FAM163A: variants seen among roughly 807,000 people sequenced by gnomAD.
FAM163A encodes the protein family with sequence similarity 163 member A, also known as protein FAM163A.
In FAM163A, 7 loss-of-function variants were observed where a neutral mutation model predicts 12.0. The ratio of observed to expected loss-of-function variants is 0.58; its 90% CI spans 0.33 to 1.10. The LOEUF (loss-of-function observed/expected upper bound fraction) is 1.10. FAM163A is among the 50% of genes least tolerant of loss of function. The pLI, the probability that FAM163A is intolerant of heterozygous loss-of-function variation, is 0.03. For synonymous variants in FAM163A, 101 were observed against 91.0 expected (o/e 1.11, Z -0.62); for missense variants, 202 against 218.6 (o/e 0.92, Z 0.48).
At chr1:179,744,126 G>A (rs1684075093) in intron 1 of FAM163A, among the ~76,000 whole-genome samples, 1 of 152,192 alleles carries the variant, frequency 6.6e-6, no homozygotes, top group Non-Finnish European at 1.5e-5. Context: ...CAGGCGGCAG[G>A]GCCTGTGGGA....
At chr1:179,809,392 G>A (rs932195654) in intron 2 of FAM163A, among the ~76,000 whole-genome samples, 15 of 152,204 alleles carry the variant, frequency 9.9e-5, no homozygotes, top group African/African-American at 3.4e-4. Context: ...CTACTGGCAA[G>A]GGAGACGTGA....
chr1:179,802,215 T>TAA (rs1273175433), intron 1 of FAM163A, among the ~76,000 whole-genome samples: 1 of 152,264 alleles, frequency 6.6e-6, no homozygotes, highest in African/African-American at 2.4e-5. Context: ...TAGGCAGCCA[T>TAA]AATGTGTATT....
chr1:179,738,691 C>T (rs1466833756), upstream of FAM163A, among the ~76,000 whole-genome samples: 1 of 152,072 alleles, frequency 6.6e-6, no homozygotes, highest in Non-Finnish European at 1.5e-5. Context: ...CAGAAAAATA[C>T]AAATAGAAGG....
At chr1:179,800,530 C>A (rs934006142) in intron 1 of FAM163A, among the ~76,000 whole-genome samples, 8 of 152,236 alleles carry the variant, frequency 5.3e-5, no homozygotes, top group Non-Finnish European at 7.3e-5. Flanking sequence ...GGTGGTCTGA[C>A]AGAGACTGCA....
intron 1 of FAM163A, among the ~76,000 whole-genome samples, chr1:179,787,317 C>T (rs533474124): frequency 6.6e-6 from 1 of 152,234 alleles, no homozygotes; most frequent in African/African-American, 2.4e-5. Context: ...ATCTAAAATG[C>T]ACATCAATGA....
chr1:179,790,525 G>T (rs1691309281), intron 1 of FAM163A, among the ~76,000 whole-genome samples: 1 of 152,124 alleles, frequency 6.6e-6, no homozygotes, highest in South Asian at 2.1e-4. Context: ...GATACAGGCT[G>T]GATAAACGAC....
intron 1 of FAM163A, among the ~76,000 whole-genome samples, chr1:179,781,881 C>T (rs555823659): frequency 6.7e-6 from 1 of 150,036 alleles, no homozygotes; most frequent in South Asian, 2.1e-4. Flanking sequence ...TCACAGTGAG[C>T]CAAGATCGTG....
At position 179,750,181 on chromosome 1, in the gene FAM163A, T is replaced by C. The variant is rs187679258; in HGVS notation, c.-136+6758T>C. Reference sequence around the variant, plus strand: ...CTGGGGCTGAAAAGTGAGGATTGCATTGTCAAGATGTCAGCAAGTGTTTAC... The same window carrying C: ...CTGGGGCTGAAAAGTGAGGATTGCACTGTCAAGATGTCAGCAAGTGTTTAC... On this transcript the variant is annotated intron_variant, in intron 1 of 4. Transcript: ENST00000341785. 2.9e-3 allele frequency among the ~76,000 whole-genome samples: 434 copies of C among 152,254 alleles called. 3 individuals carry two copies. Among genetic ancestry groups the C allele is most frequent in the African/African-American group, 1.0e-2 (415 of 41,554 alleles).
chr1:179,800,322 G>A (rs1213310828), intron 1 of FAM163A, among the ~76,000 whole-genome samples: 2 of 152,254 alleles, frequency 1.3e-5, no homozygotes, highest in African/African-American at 4.8e-5. Context: ...ACCCGAATCA[G>A]GGAAGGGGTA....
chr1:179,813,093 G>A lies in FAM163A; in HGVS notation c.-5G>A. Reference sequence around the variant, plus strand: ...CTTTGCAGAGTTTGATGGGGCGCCGGGCGGATGACAGCGGGAACGGTTGTG... The same window carrying A: ...CTTTGCAGAGTTTGATGGGGCGCCGAGCGGATGACAGCGGGAACGGTTGTG... On this transcript the variant is annotated 5_prime_UTR_variant, in exon 4 of 5. Transcript: ENST00000341785. The A allele has an allele frequency of 1.3e-6, 2 of 1,551,692 alleles. No homozygotes were observed. Among genetic ancestry groups the A allele is most frequent in the Non-Finnish European group, 1.7e-6 (2 of 1,146,978 alleles).
At chr1:179,731,326 A>T in the FAM163A span, among the ~76,000 whole-genome samples, 2 of 152,230 alleles carry the variant, frequency 1.3e-5, no homozygotes, top group South Asian at 2.1e-4. Flanking sequence ...GATGTGGAGT[A>T]GCAGAGGAAG....
At chr1:179,747,708 A>G (rs1167243084) in intron 1 of FAM163A, among the ~76,000 whole-genome samples, 1 of 152,232 alleles carries the variant, frequency 6.6e-6, no homozygotes, top group Non-Finnish European at 1.5e-5. Flanking sequence ...GCGCAACTGC[A>G]TCACATGGGT....
chr1:179,795,930 C>T (rs1261486724), intron 1 of FAM163A, among the ~76,000 whole-genome samples: 5 of 119,108 alleles, frequency 4.2e-5, no homozygotes. Context: ...CTTTCTCTGC[C>T]TATAGATCCT....
At chr1:179,810,205 C>T (rs897625168) in intron 2 of FAM163A, among the ~76,000 whole-genome samples, 5 of 152,166 alleles carry the variant, frequency 3.3e-5, no homozygotes, top group African/African-American at 1.2e-4. Flanking sequence ...AAAGTTGACT[C>T]TCATCCCACC....
intron 1 of FAM163A, among the ~76,000 whole-genome samples, chr1:179,745,050 A>G (rs1389909260): frequency 6.6e-6 from 1 of 152,186 alleles, no homozygotes; most frequent in Non-Finnish European, 1.5e-5. Context: ...GTAAAGGTAC[A>G]TGCTCTGAAA....
chr1:179,739,862 A>G (rs1683423188), upstream of FAM163A, among the ~76,000 whole-genome samples: 1 of 152,262 alleles, frequency 6.6e-6, no homozygotes, highest in East Asian at 1.9e-4. Context: ...ATGACACATC[A>G]TTATACATGT....
At position 179,747,763 on chromosome 1, in the gene FAM163A, T is replaced by C. The variant is rs569710362; in HGVS notation, c.-136+4340T>C. ...GGTTATAACAGTATGTGGCTGAGCATTGCATGCTTTGATGGATCAGTTGAA... is the reference window on the plus strand; with the variant it reads ...GGTTATAACAGTATGTGGCTGAGCACTGCATGCTTTGATGGATCAGTTGAA... On this transcript the variant is annotated intron_variant, in intron 1 of 4. Coordinates refer to ENST00000341785, the MANE Select transcript of FAM163A (RefSeq NM_173509.3). 3.3e-5 allele frequency among the ~76,000 whole-genome samples: 5 copies of C among 152,332 alleles called. No homozygotes were observed. In the South Asian group the frequency reaches 6.2e-4, roughly 19 times the overall value.
At chr1:179,739,905 A>G (rs1488692517), upstream of FAM163A, among the ~76,000 whole-genome samples, 1 of 152,224 alleles carries the variant, frequency 6.6e-6, no homozygotes, top group Non-Finnish European at 1.5e-5. Context: ...AAATATTGAC[A>G]ACACCAAATC....
the FAM163A span, among the ~76,000 whole-genome samples, chr1:179,735,898 A>G: frequency 6.6e-6 from 1 of 152,188 alleles, no homozygotes; most frequent in African/African-American, 2.4e-5. Context: ...ACTGATCTTT[A>G]GCGAAAGTAC....
Sources: allele counts gnomAD v4.1 joint callset (sites outside exome capture counted in the v4.1 genomes callset), GRCh38; gene constraint gnomAD v4.1.1; transcripts MANE v1.5; gene names NCBI Gene and HGNC (gene_info 2026-07-23, HGNC 2026-07-21).